Variants in LYN observed in about 807,000 individuals in gnomAD.
LYN encodes the protein LYN proto-oncogene, Src family tyrosine kinase, also known as tyrosine-protein kinase Lyn.
Under a neutral mutation model 65.0 loss-of-function variants are expected in LYN, and 12 were observed. The observed-to-expected ratio is 0.18, with a 90% confidence interval of 0.12 to 0.30. The LOEUF (loss-of-function observed/expected upper bound fraction) is 0.30. Ranked by LOEUF, LYN falls within the 10% of genes least tolerant of loss-of-function variation. LYN has a pLI of 1.00. For missense variants in LYN, 380 were observed against 623.2 expected, an observed-to-expected ratio of 0.61 and a Z score of 4.16; for synonymous variants, 222 against 221.2, an observed-to-expected ratio of 1.00 and a Z score of -0.03.
intron 12 of LYN, 151 bp from the exon 13 acceptor site, chr8:56,009,757 G>T: frequency 1.6e-6 from 1 of 633,814 alleles, no homozygotes. Context: ...AATTTTGGGA[G>T]GATGCTGTTC....
At chr8:55,965,118 G>A (rs1807410097) in intron 8 of LYN, among the ~76,000 whole-genome samples, 1 of 152,084 alleles carries the variant, frequency 6.6e-6, no homozygotes, top group African/African-American at 2.4e-5. Context: ...TTTCTGCTTT[G>A]CCAAATTACT....
At chr8:55,987,689 T>C (rs749442949) in intron 10 of LYN, among the ~76,000 whole-genome samples, 1 of 152,142 alleles carries the variant, frequency 6.6e-6, no homozygotes, top group Non-Finnish European at 1.5e-5. Flanking sequence ...GTGCTGGGAT[T>C]ATAGGCATGA....
chr8:55,920,661 C>T (rs1350712544), intron 1 of LYN, among the ~76,000 whole-genome samples: 2 of 151,914 alleles, frequency 1.3e-5, no homozygotes, highest in African/African-American at 4.8e-5. Flanking sequence ...AAGTCCTTTG[C>T]TGCTTTACTT....
chr8:55,982,065 T>C (rs1807942691), intron 10 of LYN, among the ~76,000 whole-genome samples: 1 of 152,108 alleles, frequency 6.6e-6, no homozygotes, highest in Admixed American at 6.6e-5. Context: ...TCAGCACCTG[T>C]TGGCAGAGGT....
chr8:55,954,232 C>G (rs1807038367), intron 8 of LYN, among the ~76,000 whole-genome samples: 1 of 152,138 alleles, frequency 6.6e-6, no homozygotes, highest in Non-Finnish European at 1.5e-5. Context: ...GGGTATTTAT[C>G]TTGATCATCT....
Position 55,942,508 on chromosome 8 carries a change from T to C in LYN, c.132+517T>C, listed in dbSNP as rs551244415. 4.3e-3 allele frequency among the ~76,000 whole-genome samples: 647 copies of C among 150,266 alleles called. 6 individuals are homozygous for C. The highest frequency in any genetic ancestry group is 0.014 in the African/African-American group (581 of 40,860). On this transcript the variant is annotated intron_variant, in intron 2 of 12. Transcript: ENST00000519728. ...GTGACTCAAGATAGTAGTGAGAGGC[T>C]GGGCGCGGTGGCTCACGCTTGTAAT...
intron 1 of LYN, among the ~76,000 whole-genome samples, chr8:55,916,727 A>T (rs72651476): frequency 0.12 from 18,618 of 152,232 alleles, 1,554 homozygotes; most frequent in Middle Eastern, 0.28. Flanking sequence ...CAATGGCAGC[A>T]TTGCCCTTTA....
chr8:55,950,654 G>T, intron 5 of LYN, 27 bp from the exon 6 acceptor site: 2 of 1,585,302 alleles, frequency 1.3e-6, no homozygotes, highest in Non-Finnish European at 1.7e-6. Context: ...AACATAATAT[G>T]CAGGAAATGT....
intron 10 of LYN, among the ~76,000 whole-genome samples, chr8:55,970,145 C>A (rs187457370): frequency 6.6e-6 from 1 of 152,144 alleles, no homozygotes; most frequent in African/African-American, 2.4e-5. Context: ...TTAAATGATG[C>A]GTATGTTTTA....
chr8:55,987,351 T>A (rs1164315460), intron 10 of LYN, among the ~76,000 whole-genome samples: 1 of 150,004 alleles, frequency 6.7e-6, no homozygotes, highest in African/African-American at 2.5e-5. Context: ...GAGGTTACAG[T>A]GAGCCAAGAT....
At chr8:55,896,722 C>T (rs1268772475) in intron 1 of LYN, among the ~76,000 whole-genome samples, 1 of 151,990 alleles carries the variant, frequency 6.6e-6, no homozygotes, top group Non-Finnish European at 1.5e-5. Context: ...AGGCATTCCC[C>T]CCAAGCTCCT....
chr8:55,974,043 G>A (rs1040065225), intron 10 of LYN, among the ~76,000 whole-genome samples: 1 of 152,162 alleles, frequency 6.6e-6, no homozygotes, highest in Non-Finnish European at 1.5e-5. Context: ...TATCTAATTT[G>A]AGCCCAACAG....
chr8:55,884,442 C>A (rs1472382126), intron 1 of LYN, among the ~76,000 whole-genome samples: 3 of 149,904 alleles, frequency 2.0e-5, no homozygotes, highest in African/African-American at 7.4e-5. Flanking sequence ...GTTGGAAGGG[C>A]TCTCTTTATT....
chr8:55,913,675 C>T (rs1415344706), intron 1 of LYN, among the ~76,000 whole-genome samples: 3 of 152,168 alleles, frequency 2.0e-5, no homozygotes, highest in Admixed American at 6.6e-5. Context: ...TAGAATAGGA[C>T]GTGAGACAAG....
rs536693661 is a variant in LYN, at chr8:55,887,355, T to C, written c.-6+7252T>C. ...TACCATTTCTGAAATAAAATATTCATATATGGACACATCATCTATAAACTG... is the reference window on the plus strand; with the variant it reads ...TACCATTTCTGAAATAAAATATTCACATATGGACACATCATCTATAAACTG... On this transcript the variant is annotated intron_variant, in intron 1 of 12. Transcript: ENST00000519728. 9.2e-5 allele frequency among the ~76,000 whole-genome samples: 14 copies of C among 152,222 alleles called. 1 individual carries two copies. The South Asian group carries it at 1.4e-3, about 16-fold the overall frequency.
At chr8:55,913,180 C>T (rs1398973824) in intron 1 of LYN, among the ~76,000 whole-genome samples, 1 of 152,130 alleles carries the variant, frequency 6.6e-6, no homozygotes, top group East Asian at 1.9e-4. Context: ...CCCTGGGCCC[C>T]TCTGTTAAAA....
chr8:55,998,243 C>T, intron 10 of LYN, 103 bp from the exon 11 acceptor site: 1 of 815,832 alleles, frequency 1.2e-6, no homozygotes, highest in East Asian at 2.6e-5. Flanking sequence ...AAATAGTATA[C>T]ATGAAAAGAT....
chr8:55,892,481 T>C (rs16922312), intron 1 of LYN, among the ~76,000 whole-genome samples: 3,186 of 152,312 alleles, frequency 0.021, 120 homozygotes, highest in African/African-American at 0.074. Context: ...CCTGATTTGA[T>C]GATACAGTTA....
chr8:55,937,911 A>G (rs1488970044), intron 1 of LYN, among the ~76,000 whole-genome samples: 1 of 152,094 alleles, frequency 6.6e-6, no homozygotes, highest in East Asian at 1.9e-4. Context: ...TGGCCAGGCC[A>G]GTCTCGAACC....
Sources: gnomAD v4.1 joint callset for allele counts (sites outside exome capture counted in the v4.1 genomes callset) on GRCh38, gnomAD v4.1.1 for gene constraint, MANE v1.5 for transcripts, NCBI Gene and HGNC (gene_info 2026-07-23, HGNC 2026-07-21) for gene names.